Variants in CHCHD6 observed in about 807,000 individuals in gnomAD.
The protein encoded by CHCHD6 is coiled-coil-helix-coiled-coil-helix domain containing 6, also known as MICOS complex subunit MIC25.
CHCHD6 carries 28 observed loss-of-function variants against 32.3 expected under a neutral mutation model. That is an observed-to-expected ratio of 0.87 (90% CI 0.64 to 1.19). The LOEUF (loss-of-function observed/expected upper bound fraction) is 1.19, where lower values mean the gene tolerates loss of function less well. Among genes scored for constraint, CHCHD6 ranks in the 50% most tolerant of loss-of-function variants. The pLI is 0.00. For missense variants in CHCHD6, 333 were observed against 307.0 expected, an observed-to-expected ratio of 1.08 and a Z score of -0.63; for synonymous variants, 122 against 117.5, an observed-to-expected ratio of 1.04 and a Z score of -0.25.
intron 4 of CHCHD6, chr3:126,766,431 G>A (rs1937372520): frequency 4.7e-6 from 3 of 632,322 alleles, no homozygotes; most frequent in Admixed American, 2.0e-5. Context: ...GTCTCTGGGA[G>A]CATCAAAGGG....
chr3:126,838,270 A>G (rs1280319038), intron 4 of CHCHD6, among the ~76,000 whole-genome samples: 1 of 152,210 alleles, frequency 6.6e-6, no homozygotes, highest in Non-Finnish European at 1.5e-5. Context: ...GTAATGAGGA[A>G]CAAAGACATG....
chr3:126,770,448 A>G (rs1693781667), intron 4 of CHCHD6, among the ~76,000 whole-genome samples: 1 of 152,216 alleles, frequency 6.6e-6, no homozygotes, highest in Admixed American at 6.5e-5. Flanking sequence ...CCCATACAAT[A>G]TGATACTGGA....
chr3:126,947,397 C>T (rs1047386329), intron 6 of CHCHD6, among the ~76,000 whole-genome samples: 10 of 152,210 alleles, frequency 6.6e-5, no homozygotes, highest in African/African-American at 2.4e-4. Flanking sequence ...TAATGTGGTT[C>T]GGGGCAACTG....
chr3:126,763,655 G>A (rs767700439), intron 4 of CHCHD6, among the ~76,000 whole-genome samples: 4 of 151,988 alleles, frequency 2.6e-5, no homozygotes, highest in African/African-American at 2.4e-5. Flanking sequence ...TTCTTTTAGC[G>A]TATATTCTTC....
intron 1 of CHCHD6, among the ~76,000 whole-genome samples, chr3:126,704,666 C>T (rs1387962170): frequency 6.6e-6 from 1 of 152,194 alleles, no homozygotes; most frequent in Non-Finnish European, 1.5e-5. Context: ...GCCCTGGCCA[C>T]GTCCTGGCTC....
At chr3:126,899,332 T>C (rs1222392517) in intron 5 of CHCHD6, among the ~76,000 whole-genome samples, 1 of 152,134 alleles carries the variant, frequency 6.6e-6, no homozygotes, top group Non-Finnish European at 1.5e-5. Context: ...AACCTACTCA[T>C]CAAATTTGCA....
At chr3:126,920,234 C>A (rs1234737956) in intron 6 of CHCHD6, among the ~76,000 whole-genome samples, 1 of 138,340 alleles carries the variant, frequency 7.2e-6, no homozygotes, top group African/African-American at 2.6e-5. Context: ...TTTAAGATTC[C>A]CAGTCTTTGG....
Position 126,957,506 on chromosome 3 carries a change from G to C in CHCHD6, c.657G>C (p.Ser219=), listed in dbSNP as rs201004023. 4 of 1,593,626 alleles carry C rather than the reference G, an allele frequency of 2.5e-6. No homozygotes were observed. Among genetic ancestry groups the C allele is most frequent in the South Asian group, 2.3e-5 (2 of 87,616 alleles). The change falls in exon 7 of 8, where the codon TCG becomes TCC. Residue 219 remains serine, a synonymous_variant. Transcript: ENST00000290913. ...RDRPHEVLLC[S]DLVKAYQRCV... The stretch of plus-strand genomic sequence containing the variant: ...GCCCGCATGAGGTGCTGCTGTGCTC[G>C]GACCTGGTCAAGGCATACCAGCGCT...
intron 4 of CHCHD6, among the ~76,000 whole-genome samples, chr3:126,826,275 A>G (rs1940387674): frequency 6.6e-6 from 1 of 152,154 alleles, no homozygotes; most frequent in African/African-American, 2.4e-5. Context: ...ATTATTGGAG[A>G]CCAGTTTATA....
At chr3:126,834,194 T>C (rs1160959772) in intron 4 of CHCHD6, among the ~76,000 whole-genome samples, 1 of 152,096 alleles carries the variant, frequency 6.6e-6, no homozygotes, top group Non-Finnish European at 1.5e-5. Flanking sequence ...CCAAGTTTCA[T>C]GCCAGGTGTG....
chr3:126,759,961 G>T (rs116338513), intron 4 of CHCHD6, among the ~76,000 whole-genome samples: 2 of 152,282 alleles, frequency 1.3e-5, no homozygotes, highest in South Asian at 2.1e-4. Flanking sequence ...GGAAGGCAAA[G>T]GGGGAATAGG....
In CHCHD6 at chr3:126,764,424, G is replaced by A. The variant is rs76732397; in HGVS notation, c.411+31202G>A. 7.2e-3 allele frequency among the ~76,000 whole-genome samples: 1,095 copies of A among 152,082 alleles called. 12 individuals are homozygous for A. Among genetic ancestry groups the A allele is most frequent in the African/African-American group, 0.025 (1,021 of 41,488 alleles). ...GTACCTTTCTCTAGGAGTACAAGAC[G>A]ACCTTCCCCACAACTCCTTGTTTTA... On this transcript the variant is annotated intron_variant, in intron 4 of 7. Coordinates refer to ENST00000290913, the MANE Select transcript of CHCHD6 (RefSeq NM_032343.3).
rs753447971 is a variant in CHCHD6, at chr3:126,852,738, T to G, written c.495+8T>G. The G allele has an allele frequency of 3.1e-6, 5 of 1,599,184 alleles. No individual in the cohort carries two copies. In the African/African-American group the frequency reaches 6.7e-5, roughly 21 times the overall value. ...GAGCGTATTGAGAGGAAGGTAAGAC[T>G]CCTGCTTGGCTGCATTCCTCGGGGC... On this transcript the variant is annotated splice_region_variant and intron_variant, in intron 5 of 7. Transcript: ENST00000290913.
intron 5 of CHCHD6, among the ~76,000 whole-genome samples, chr3:126,883,115 C>G (rs1192882655): frequency 6.6e-6 from 1 of 152,232 alleles, no homozygotes; most frequent in Non-Finnish European, 1.5e-5. Flanking sequence ...TAGCTGAACA[C>G]TTGGAGGTTC....
chr3:126,713,157 C>T (rs919098947), intron 1 of CHCHD6, among the ~76,000 whole-genome samples: 1 of 152,166 alleles, frequency 6.6e-6, no homozygotes, highest in African/African-American at 2.4e-5. Flanking sequence ...TCTGGTGCTA[C>T]CAGGCTATTT....
chr3:126,870,153 C>G (rs1403744254), intron 5 of CHCHD6, among the ~76,000 whole-genome samples: 1 of 152,162 alleles, frequency 6.6e-6, no homozygotes, highest in Non-Finnish European at 1.5e-5. Context: ...TGGAGTGTTG[C>G]TAAGGGTTCC....
At chr3:126,843,868 T>C (rs1271651169) in intron 4 of CHCHD6, among the ~76,000 whole-genome samples, 1 of 152,232 alleles carries the variant, frequency 6.6e-6, no homozygotes, top group African/African-American at 2.4e-5. Context: ...TTTATATCAT[T>C]ATGTTTACAT....
chr3:126,942,070 G>A (rs1403864316), intron 6 of CHCHD6, among the ~76,000 whole-genome samples: 1 of 152,154 alleles, frequency 6.6e-6, no homozygotes, highest in African/African-American at 2.4e-5. Flanking sequence ...TGTAGGGAGA[G>A]CCCCAGCCCT....
intron 6 of CHCHD6, among the ~76,000 whole-genome samples, chr3:126,936,730 G>T (rs2078485073): frequency 6.6e-6 from 1 of 151,934 alleles, no homozygotes; most frequent in Non-Finnish European, 1.5e-5. Flanking sequence ...TAATTTTTTT[G>T]TATTTTACTA....
Sources: allele counts gnomAD v4.1 joint callset (sites outside exome capture counted in the v4.1 genomes callset), GRCh38; gene constraint gnomAD v4.1.1; transcripts MANE v1.5; gene names NCBI Gene and HGNC (gene_info 2026-07-23, HGNC 2026-07-21).